Variants in CCBE1 observed in about 807,000 individuals in gnomAD.
CCBE1 encodes collagen and calcium-binding EGF domain-containing protein 1.
Under a neutral mutation model 50.0 loss-of-function variants are expected in CCBE1, and 37 were observed. The observed-to-expected ratio is 0.74, with a 90% CI of 0.57 to 0.97. CCBE1 has a LOEUF of 0.97. Among genes scored for constraint, CCBE1 ranks in the 50% least tolerant of loss-of-function variants. The pLI is 0.00. For synonymous variants in CCBE1, 234 were observed against 203.7 expected, an observed-to-expected ratio of 1.15 and a Z score of -1.27; for missense variants, 538 against 523.8, an observed-to-expected ratio of 1.03 and a Z score of -0.26.
At chr18:59,488,658 G>A (rs889930473) in intron 2 of CCBE1, among the ~76,000 whole-genome samples, 1 of 152,102 alleles carries the variant, frequency 6.6e-6, no homozygotes, top group Non-Finnish European at 1.5e-5. Flanking sequence ...TGAGAATCCG[G>A]GCTCTGCTGC....
chr18:59,519,370 A>G (rs543125545), intron 2 of CCBE1, among the ~76,000 whole-genome samples: 1 of 152,326 alleles, frequency 6.6e-6, no homozygotes, highest in South Asian at 2.1e-4. Context: ...AGGTACTATG[A>G]GGTTGCACAC....
chr18:59,614,396 G>GT (rs1025920316), intron 2 of CCBE1, among the ~76,000 whole-genome samples: 5 of 152,290 alleles, frequency 3.3e-5, no homozygotes, highest in South Asian at 4.1e-4. Flanking sequence ...ACTTACCATT[G>GT]TTTTTTCACA....
intron 2 of CCBE1, among the ~76,000 whole-genome samples, chr18:59,520,621 C>T (rs1019442633): frequency 2.0e-4 from 30 of 152,262 alleles, no homozygotes; most frequent in African/African-American, 6.8e-4. Context: ...CGCCTGCACA[C>T]ACACATGCCA....
At chr18:59,571,281 T>A (rs2099989932) in intron 2 of CCBE1, among the ~76,000 whole-genome samples, 1 of 152,194 alleles carries the variant, frequency 6.6e-6, no homozygotes, top group African/African-American at 2.4e-5. Flanking sequence ...AGGTCTTCGA[T>A]AATAGTGATT....
chr18:59,443,598 A>C (rs1040332739), intron 7 of CCBE1, among the ~76,000 whole-genome samples: 4 of 151,056 alleles, frequency 2.6e-5, no homozygotes, highest in African/African-American at 7.3e-5. Context: ...TCCCAAGTAG[A>C]TGGGATTACA....
At chr18:59,560,553 A>G (rs2052721059) in intron 2 of CCBE1, among the ~76,000 whole-genome samples, 1 of 152,186 alleles carries the variant, frequency 6.6e-6, no homozygotes, top group African/African-American at 2.4e-5. Context: ...CCACCATGGC[A>G]CATGTATACC....
chr18:59,516,848 C>G (rs1191249970), intron 2 of CCBE1, among the ~76,000 whole-genome samples: 1 of 152,244 alleles, frequency 6.6e-6, no homozygotes, highest in Non-Finnish European at 1.5e-5. Flanking sequence ...CCACACCACT[C>G]TCTGCCAGGA....
intron 5 of CCBE1, 94 bp from the exon 6 acceptor site, chr18:59,455,045 G>A (rs773802921): frequency 4.2e-6 from 4 of 955,536 alleles, no homozygotes; most frequent in Admixed American, 1.8e-5. Flanking sequence ...CAGGGACAGA[G>A]TAGCTGACAG....
At chr18:59,659,899 C>T (rs189876298) in intron 2 of CCBE1, among the ~76,000 whole-genome samples, 22 of 152,310 alleles carry the variant, frequency 1.4e-4, no homozygotes, top group African/African-American at 4.8e-4. Context: ...GTCCCCCCTC[C>T]CAGTTCTAAG....
chr18:59,641,921 T>C (rs2053995772), intron 2 of CCBE1, among the ~76,000 whole-genome samples: 1 of 152,180 alleles, frequency 6.6e-6, no homozygotes, highest in Non-Finnish European at 1.5e-5. Flanking sequence ...GCTGGATTCC[T>C]GTCTCATACT....
intron 2 of CCBE1, among the ~76,000 whole-genome samples, chr18:59,517,430 A>G (rs1914419628): frequency 6.6e-6 from 1 of 152,222 alleles, no homozygotes; most frequent in African/African-American, 2.4e-5. Flanking sequence ...ATAAGCCTCC[A>G]TGATGGCAAT....
intron 2 of CCBE1, among the ~76,000 whole-genome samples, chr18:59,524,729 G>C (rs1474566779): frequency 2.7e-5 from 4 of 149,972 alleles, no homozygotes; most frequent in African/African-American, 7.4e-5. Context: ...GCATGCATTA[G>C]CTATTTATCC....
intron 2 of CCBE1, among the ~76,000 whole-genome samples, chr18:59,627,950 C>T (rs374727304): frequency 2.0e-4 from 30 of 152,346 alleles, no homozygotes; most frequent in Non-Finnish European, 3.8e-4. Flanking sequence ...CAGTGGCTCA[C>T]GCCCACAATC....
chr18:59,641,400 T>C (rs2053988034), intron 2 of CCBE1, among the ~76,000 whole-genome samples: 1 of 152,048 alleles, frequency 6.6e-6, no homozygotes, highest in Non-Finnish European at 1.5e-5. Context: ...TCACATCGTG[T>C]CCATATGGAC....
intron 2 of CCBE1, among the ~76,000 whole-genome samples, chr18:59,583,912 C>G (rs1376254985): frequency 3.3e-5 from 5 of 152,150 alleles, no homozygotes; most frequent in African/African-American, 1.2e-4. Flanking sequence ...GGACTGTAAA[C>G]TAGTTCAACC....
chr18:59,612,833 TTTGTTTTTGTTTTTG>T lies in CCBE1; in HGVS notation c.212+83781_212+83795del, dbSNP rs1224683459. The stretch of plus-strand genomic sequence containing the variant: ...CTCAAGGGTTTTTTTTTTGTTTTTT[TTTGTTTTTGTTTTTG>T]TTTTTTTTAATGTCTGTTAGATGGC... On this transcript the variant is annotated intron_variant, in intron 2 of 10. Coordinates refer to ENST00000439986, the MANE Select transcript of CCBE1 (RefSeq NM_133459.4). Among the ~76,000 whole-genome samples the T allele has an allele frequency of 2.9e-4, 33 of 112,338 alleles. 5 individuals are homozygous for T. Among genetic ancestry groups the T allele is most frequent in the East Asian group, 4.0e-4 (1 of 2,472 alleles). 73.7% of individuals were successfully genotyped at this position (112,338 alleles called of 152,430 possible). A position where few individuals can be genotyped will look rare whatever the true frequency, so the allele number is the denominator to read the frequency against.
intron 2 of CCBE1, among the ~76,000 whole-genome samples, chr18:59,512,962 A>G (rs1167661806): frequency 6.6e-6 from 1 of 151,966 alleles, no homozygotes. Context: ...AGAAAATGAG[A>G]CTTCTTTGGA....
chr18:59,481,515 G>A (rs1051747796), intron 2 of CCBE1, among the ~76,000 whole-genome samples: 3 of 152,254 alleles, frequency 2.0e-5, no homozygotes, highest in South Asian at 2.1e-4. Flanking sequence ...TACACAAAAT[G>A]CCTAGAGATG....
chr18:59,679,580 A>G lies in CCBE1; in HGVS notation c.212+17049T>C, dbSNP rs75424376. 3.8e-3 allele frequency among the ~76,000 whole-genome samples: 572 copies of G among 152,330 alleles called. 6 individuals are homozygous for G. The highest frequency in any genetic ancestry group is 0.013 in the African/African-American group (544 of 41,584). On this transcript the variant is annotated intron_variant, in intron 2 of 10. Coordinates refer to ENST00000439986, the MANE Select transcript of CCBE1 (RefSeq NM_133459.4). The stretch of plus-strand genomic sequence containing the variant: ...ATTGGCATATCTGAAAACTGTTCAT[A>G]ATTATAAGCTACATTCTGAGAGAAA...
Sources: allele counts gnomAD v4.1 joint callset (sites outside exome capture counted in the v4.1 genomes callset), GRCh38; gene constraint gnomAD v4.1.1; transcripts MANE v1.5; gene names NCBI Gene and HGNC (gene_info 2026-07-23, HGNC 2026-07-21).